Variants in PDK4 observed in about 807,000 individuals in gnomAD.
PDK4 encodes pyruvate dehydrogenase kinase, isozyme 4.
PDK4 carries 43 observed loss-of-function variants against 51.7 expected under a neutral mutation model. That is an observed-to-expected ratio of 0.83 (90% CI 0.65 to 1.07). The LOEUF is 1.07. PDK4 is among the 50% of genes least tolerant of loss of function. The probability of loss-of-function intolerance (pLI) is 0.00; values close to 1 mark genes in which losing one functional copy is unlikely to be tolerated. For synonymous variants in PDK4, 170 were observed against 176.6 expected (o/e 0.96, Z 0.30); for missense variants, 498 against 503.5 (o/e 0.99, Z 0.10).
intron 9 of PDK4, 82 bp from the exon 10 acceptor site, chr7:95,587,205 G>T (rs1584120647): frequency 1.2e-6 from 1 of 822,722 alleles, no homozygotes; most frequent in South Asian, 1.5e-5. Context: ...TGTCCTCACT[G>T]ATACTAATGT....
rs769599517 is a variant in PDK4, at chr7:95,592,032, T to C, written c.650A>G (p.Gln217Arg). Reference protein sequence around the residue: ...AFECSRMLCDQYYLSSPELKL... With the variant: ...AFECSRMLCDRYYLSSPELKL... ...TAATTCTGGAGATGATAAATAATAC[T>C]GATCACAGAGCATCCTTGAACACTC... The change falls in exon 6 of 11, where the codon CAG (glutamine) becomes CGG (arginine). Residue 217 changes from glutamine (Q) to arginine (R), a missense_variant. By Grantham distance (43) the Gln-to-Arg change is conservative. Transcript: ENST00000005178. 1.3e-6 allele frequency: 2 copies of C among 1,584,632 alleles called. No individual in the cohort carries two copies. Among genetic ancestry groups the C allele is most frequent in the Non-Finnish European group, 1.7e-6 (2 of 1,164,164 alleles).
At chr7:95,590,087 T>G (rs1194290010) in intron 6 of PDK4, among the ~76,000 whole-genome samples, 1 of 152,160 alleles carries the variant, frequency 6.6e-6, no homozygotes, top group Non-Finnish European at 1.5e-5. Context: ...TTTGTATTTC[T>G]CCACAAATGT....
At position 95,585,623 on chromosome 7, in the gene PDK4, TG is replaced by T; in HGVS notation, c.*17del. The T allele has an allele frequency of 6.3e-7, 1 of 1,593,716 alleles. No individual in the cohort carries two copies. The highest frequency in any genetic ancestry group is 8.6e-7 in the Non-Finnish European group (1 of 1,165,586). ...GTAGACCCACTTTGATCCCGTAAAG[TG>T]TCCTGAGTGTCCCTCTTCACATGGC... On this transcript the variant is annotated 3_prime_UTR_variant, in exon 11 of 11. Transcript: ENST00000005178.
In PDK4 at chr7:95,596,397, A is replaced by G. The variant is rs1791623373; in HGVS notation, c.-104T>C. The stretch of plus-strand genomic sequence containing the variant: ...GGGGGCGCGGCGCGTCCGGGCGAGG[A>G]CTGCAGGTGCGCTGGCTGGCTTGTG... On this transcript the variant is annotated 5_prime_UTR_variant, in exon 1 of 11. Transcript: ENST00000005178. The G allele has an allele frequency of 7.7e-7, 1 of 1,306,750 alleles. No homozygotes were observed. The highest frequency in any genetic ancestry group is 1.0e-6 in the Non-Finnish European group (1 of 994,196). 80.9% of individuals were successfully genotyped at this position (1,306,750 alleles called of 1,614,324 possible).
chr7:95,585,031 C>T lies in PDK4; in HGVS notation c.*610G>A, dbSNP rs764064827. 13 of 152,274 alleles carry T rather than the reference C, an allele frequency of 8.5e-5. No individual in the cohort carries two copies. The highest frequency in any genetic ancestry group is 1.6e-4 in the Non-Finnish European group (11 of 68,016). The allele number at this position is 152,274 out of a possible 1,614,324, so 9.4% of individuals were successfully genotyped here. A position where few individuals can be genotyped will look rare whatever the true frequency, so the allele number is the denominator to read the frequency against. On this transcript the variant is annotated 3_prime_UTR_variant, in exon 11 of 11. Coordinates refer to ENST00000005178, the MANE Select transcript of PDK4 (RefSeq NM_002612.4). Reference sequence around the variant, plus strand: ...TTTACATAAGTTGATGCCTTCACTGCAACTTTGAATACAATGCTTTGAATT... The same window carrying T: ...TTTACATAAGTTGATGCCTTCACTGTAACTTTGAATACAATGCTTTGAATT...
At chr7:95,592,480 A>G (rs1791562822) in intron 5 of PDK4, 31 bp downstream of exon 5, 2 of 1,222,236 alleles carry the variant, frequency 1.6e-6, no homozygotes, top group Non-Finnish European at 2.4e-6. Context: ...GTACATTTTC[A>G]ATAAGGGAAG....
Position 95,587,816 on chromosome 7 carries a change from G to C in PDK4, c.781C>G (p.Arg261Gly). ...MLFELFKNAM[R>G]ATVEHQENQP... ...TTTTCCTGGTGTTCAACTGTTGCCC[G>C]CATTGCATTCTAAAACAAAGCAAAC... The change falls in exon 8 of 11, where the codon CGG becomes GGG. Residue 261 changes from arginine to glycine, a missense_variant. Transcript: ENST00000005178. The C allele has an allele frequency of 6.2e-7, 1 of 1,607,906 alleles. No individual in the cohort carries two copies. Among genetic ancestry groups the C allele is most frequent in the Non-Finnish European group, 8.5e-7 (1 of 1,174,530 alleles).
chr7:95,591,184 C>T (rs560200486), intron 6 of PDK4, among the ~76,000 whole-genome samples: 30 of 152,190 alleles, frequency 2.0e-4, no homozygotes, highest in Non-Finnish European at 3.7e-4. Flanking sequence ...AAACCTCCCA[C>T]CTCAGCCTCT....
chr7:95,584,676 G>C lies in PDK4; in HGVS notation c.*965C>G, dbSNP rs1023538490. 8 of 152,148 alleles carry C rather than the reference G, an allele frequency of 5.3e-5. No individual in the cohort carries two copies. The highest frequency in any genetic ancestry group is 1.9e-4 in the African/African-American group (8 of 41,432). 9.4% of individuals were successfully genotyped at this position (152,148 alleles called of 1,614,324 possible). A position where few individuals can be genotyped will look rare whatever the true frequency, so the allele number is the denominator to read the frequency against. On this transcript the variant is annotated 3_prime_UTR_variant, in exon 11 of 11. Coordinates refer to ENST00000005178, the MANE Select transcript of PDK4 (RefSeq NM_002612.4). ...ATCAAAAATATATCTTTTAAGCCTA[G>C]AAAATGGATGCCTTTGGATTACCTT...
chr7:95,594,582 T>A (rs1000621137), intron 2 of PDK4, among the ~76,000 whole-genome samples: 17 of 152,298 alleles, frequency 1.1e-4, no homozygotes, highest in African/African-American at 4.1e-4. Context: ...CAACTAGAAG[T>A]GACAGAGGCA....
chr7:95,591,296 AT>A (rs995895913), intron 6 of PDK4, among the ~76,000 whole-genome samples: 1 of 152,096 alleles, frequency 6.6e-6, no homozygotes, highest in South Asian at 2.1e-4. Flanking sequence ...CAATAGTGCA[AT>A]TTTTTTTGTA....
intron 6 of PDK4, among the ~76,000 whole-genome samples, chr7:95,590,248 T>C (rs1255382132): frequency 6.6e-6 from 1 of 152,166 alleles, no homozygotes; most frequent in African/African-American, 2.4e-5. Context: ...AGCATAATAT[T>C]GAAATTAATG....
chr7:95,592,472 A>G, intron 5 of PDK4, 39 bp downstream of exon 5: 1 of 1,106,114 alleles, frequency 9.0e-7, no homozygotes. Context: ...CATATATTGT[A>G]CATTTTCAAT....
Position 95,594,869 on chromosome 7 carries a change from A to G in PDK4, c.272+154T>C, listed in dbSNP as rs73708062. 2,932 of 446,564 alleles carry G rather than the reference A, an allele frequency of 6.6e-3. 71 individuals are homozygous for G. Among genetic ancestry groups the G allele is most frequent in the African/African-American group, 0.053 (2,622 of 49,736 alleles). 27.7% of individuals were successfully genotyped at this position (446,564 alleles called of 1,614,324 possible). On this transcript the variant is annotated intron_variant, in intron 2 of 10. Coordinates refer to ENST00000005178, the MANE Select transcript of PDK4 (RefSeq NM_002612.4). ...TAGTTTTATAACTTCTCTAATGATAACTTACCCTAAATTAATTTTAAAATT... is the reference window on the plus strand; with the variant it reads ...TAGTTTTATAACTTCTCTAATGATAGCTTACCCTAAATTAATTTTAAAATT...
chr7:95,589,642 TA>T lies in PDK4; in HGVS notation c.768del (p.Phe256LeufsTer21). 1 of 1,507,034 alleles carries T rather than the reference TA, an allele frequency of 6.6e-7. No individual in the cohort carries two copies. The highest frequency in any genetic ancestry group is 9.2e-7 in the Non-Finnish European group (1 of 1,085,002). The allele number at this position is 1,507,034 out of a possible 1,614,324, so 93.4% of individuals were successfully genotyped here. On this transcript the variant is annotated frameshift_variant, in exon 7 of 11. Coordinates refer to ENST00000005178, the MANE Select transcript of PDK4 (RefSeq NM_002612.4). LOFTEE classifies it high-confidence loss of function. The stretch of plus-strand genomic sequence containing the variant: ...TCAATTATTGTGAAGTATCATACCT[TA>T]AATAGTTCAAAGAGCATATGATGGA... ...SHLHHMLFELFKNAMRATVEH... is the reference protein window; with the variant it reads ...SHLHHMLFELXKNAMRATVEH...
intron 7 of PDK4, among the ~76,000 whole-genome samples, chr7:95,588,463 G>T (rs940415582): frequency 2.0e-5 from 3 of 152,166 alleles, no homozygotes; most frequent in Non-Finnish European, 2.9e-5. Context: ...TCTATTGGCT[G>T]AATCTCATAC....
intron 6 of PDK4, among the ~76,000 whole-genome samples, chr7:95,591,413 G>A (rs1475727725): frequency 1.3e-5 from 2 of 152,140 alleles, no homozygotes; most frequent in Non-Finnish European, 2.9e-5. Flanking sequence ...AGAACTCTAG[G>A]ATTTATTCAT....
intron 7 of PDK4, among the ~76,000 whole-genome samples, chr7:95,588,264 T>C (rs1791511782): frequency 6.6e-6 from 1 of 152,186 alleles, no homozygotes; most frequent in Non-Finnish European, 1.5e-5. Context: ...TGTGAAAAGG[T>C]TGTTACTATT....
intron 4 of PDK4, 39 bp downstream of exon 4, chr7:95,592,721 C>T (rs567865611): frequency 6.6e-7 from 1 of 1,519,886 alleles, no homozygotes; most frequent in East Asian, 2.3e-5. Flanking sequence ...ATATTCTACA[C>T]CCATGTCTAT....
Sources: allele counts gnomAD v4.1 joint callset (sites outside exome capture counted in the v4.1 genomes callset), GRCh38; gene constraint gnomAD v4.1.1; transcripts MANE v1.5; gene names NCBI Gene and HGNC (gene_info 2026-07-23, HGNC 2026-07-21).